The following ITGA2 variants were observed in gnomAD, a reference collection of about 807,000 sequenced individuals.
The protein encoded by ITGA2 is integrin alpha-2.
A neutral mutation model predicts 146.3 loss-of-function variants in ITGA2; 101 were observed. That is an observed-to-expected ratio of 0.69 (90% CI 0.59 to 0.81). ITGA2 has a LOEUF of 0.81. Among genes scored for constraint, ITGA2 ranks in the 40% least tolerant of loss-of-function variants. The pLI, the probability that ITGA2 is intolerant of heterozygous loss-of-function variation, is 0.00. For missense variants in ITGA2, 1,281 were observed against 1,402.7 expected (o/e 0.91, Z 1.39); for synonymous variants, 477 against 487.1 (o/e 0.98, Z 0.27).
Position 53,075,138 on chromosome 5 carries a change from G to A in ITGA2, c.2741+1G>A. 6.2e-7 allele frequency: 1 copy of A among 1,610,642 alleles called. No individual in the cohort carries two copies. The highest frequency in any genetic ancestry group is 8.5e-7 in the Non-Finnish European group (1 of 1,177,494). Reference sequence around the variant, plus strand: ...CGTCTCTCAGTTTCCAAGCCTTAAGGTAAAACATAATGAAGTCATGAATGG... The same window carrying A: ...CGTCTCTCAGTTTCCAAGCCTTAAGATAAAACATAATGAAGTCATGAATGG... On this transcript the variant is annotated splice_donor_variant, in intron 22 of 29. Transcript: ENST00000296585. LOFTEE classifies it high-confidence loss of function.
chr5:53,078,253 T>C (rs1171642169), intron 23 of ITGA2, among the ~76,000 whole-genome samples: 1 of 152,022 alleles, frequency 6.6e-6, no homozygotes. Flanking sequence ...CCCAAACCAT[T>C]CAAATTGGTT....
At chr5:53,074,253 G>A in intron 20 of ITGA2, 132 bp from the exon 21 acceptor site, 1 of 731,906 alleles carries the variant, frequency 1.4e-6, no homozygotes, top group East Asian at 2.7e-5. Flanking sequence ...AAGTCTTGAG[G>A]TATAATAAAT....
intron 21 of ITGA2, among the ~76,000 whole-genome samples, 176 bp downstream of exon 21, chr5:53,074,653 A>AT (rs1254510867): frequency 6.6e-6 from 1 of 151,962 alleles, no homozygotes; most frequent in Non-Finnish European, 1.5e-5. Flanking sequence ...TAAAAATGGG[A>AT]TTTTCTCCAT....
At chr5:53,072,569 TC>T in intron 18 of ITGA2, 43 bp from the exon 19 acceptor site, 1 of 1,481,794 alleles carries the variant, frequency 6.7e-7, no homozygotes, top group Non-Finnish European at 9.4e-7. Context: ...ATTTGCTTTT[TC>T]AACCCAAGAG....
chr5:53,056,494 A>G (rs1471935101), intron 9 of ITGA2, among the ~76,000 whole-genome samples: 1 of 152,008 alleles, frequency 6.6e-6, no homozygotes, highest in Admixed American at 6.6e-5. Context: ...AAAGAAGCTC[A>G]TACACTGTTG....
In ITGA2 at chr5:53,045,865, G is replaced by A. The variant is rs540502216; in HGVS notation, c.387+773G>A. Among the ~76,000 whole-genome samples the A allele has an allele frequency of 2.9e-3, 445 of 151,934 alleles. 5 individuals carry two copies. The highest frequency in any genetic ancestry group is 0.01 in the African/African-American group (432 of 41,480). On this transcript the variant is annotated intron_variant, in intron 4 of 29. Coordinates refer to ENST00000296585, the MANE Select transcript of ITGA2 (RefSeq NM_002203.4). Reference sequence around the variant, plus strand: ...TTTGAAATTTCCATTGACTCATATAGGTATGTGTATGTATGTATAACCCTG... The same window carrying A: ...TTTGAAATTTCCATTGACTCATATAAGTATGTGTATGTATGTATAACCCTG...
rs145736009 is a variant in ITGA2, at chr5:53,090,522, G to A, written c.3469G>A (p.Gly1157Ser). ...TCTTATATCATCACCTTTACAGCTC[G>A]GCTTCTTCAAAAGAAAATATGAAAA... ...LALVAILWKL[G>S]FFKRKYEKMT... Residue 1157 changes from glycine (G) to serine (S), a missense_variant, in exon 30 of 30, where the codon GGC (glycine) becomes AGC (serine). Gly to Ser is a moderately conservative substitution (Grantham distance 56). This residue lies in a region of ITGA2 where 475 missense variants were observed against 530.5 expected (regional missense o/e 0.90). Transcript: ENST00000296585. 87 of 1,613,616 alleles carry A rather than the reference G, an allele frequency of 5.4e-5. 1 individual carries two copies. In the African/African-American group the frequency reaches 1.1e-3, roughly 20 times the overall value.
Position 53,090,613 on chromosome 5 carries a change from C to A in ITGA2, c.*14C>A. On this transcript the variant is annotated 3_prime_UTR_variant, in exon 30 of 30. Transcript: ENST00000296585. ...CTCAGTAGCTGAACCAGCAGACCTA[C>A]CTGCAGTGGGAACCGGCAGCATCCC... 1 of 1,604,804 alleles carries A rather than the reference C, an allele frequency of 6.2e-7. No individual in the cohort carries two copies. The highest frequency in any genetic ancestry group is 1.3e-5 in the African/African-American group (1 of 74,808).
intron 2 of ITGA2, among the ~76,000 whole-genome samples, chr5:53,036,305 T>A (rs1375950128): frequency 1.3e-5 from 2 of 152,172 alleles, no homozygotes; most frequent in African/African-American, 2.4e-5. Flanking sequence ...ATATGTCAGA[T>A]CACATCATGC....
intron 26 of ITGA2, 94 bp downstream of exon 26, chr5:53,081,790 G>A (rs1194643780): frequency 1.2e-6 from 1 of 844,278 alleles, no homozygotes; most frequent in African/African-American, 1.7e-5. Context: ...ATATCATAGA[G>A]CTTTCTTATT....
At chr5:53,055,309 A>G (rs1038940333) in intron 7 of ITGA2, among the ~76,000 whole-genome samples, 1 of 152,128 alleles carries the variant, frequency 6.6e-6, no homozygotes, top group African/African-American at 2.4e-5. Flanking sequence ...ATATACACAC[A>G]TATGCCCTGA....
At chr5:53,026,560 A>G (rs940865353) in intron 1 of ITGA2, among the ~76,000 whole-genome samples, 188 bp from the exon 2 acceptor site, 1 of 152,208 alleles carries the variant, frequency 6.6e-6, no homozygotes, top group African/African-American at 2.4e-5. Flanking sequence ...ATGCATATAT[A>G]GTATTTAGCT....
chr5:52,989,609 C>A (rs1740817644), intron 1 of ITGA2, 77 bp downstream of exon 1: 16 of 1,508,434 alleles, frequency 1.1e-5, no homozygotes, highest in Non-Finnish European at 1.3e-5. Flanking sequence ...AGGGATTGGG[C>A]GGAACTAGGG....
Position 53,072,616 on chromosome 5 carries a change from C to T in ITGA2, c.2350C>T (p.Pro784Ser). ...YSETAKVFSI[P>S]FHKDCGEDGL... ...GATCTTTTTTCCTTTTTCGTAGATT[C>T]CTTTCCACAAAGACTGTGGTGAGGA... The change falls in exon 19 of 30, where the codon CCT becomes TCT. Residue 784 changes from proline to serine, a missense_variant. By Grantham distance (74) the Pro-to-Ser change is moderately conservative. Coordinates refer to ENST00000296585, the MANE Select transcript of ITGA2 (RefSeq NM_002203.4). 1 of 1,609,440 alleles carries T rather than the reference C, an allele frequency of 6.2e-7. No individual in the cohort carries two copies. The highest frequency in any genetic ancestry group is 8.5e-7 in the Non-Finnish European group (1 of 1,177,722).
At chr5:53,068,680 G>A (rs912095909) in intron 16 of ITGA2, among the ~76,000 whole-genome samples, 3 of 151,478 alleles carry the variant, frequency 2.0e-5, no homozygotes, top group Non-Finnish European at 3.0e-5. Flanking sequence ...CAAGTGAAAT[G>A]ATTGTGAGCT....
chr5:53,092,798 CA>C lies in ITGA2; in HGVS notation c.*2206del. The C allele has an allele frequency of 6.6e-6, 1 of 152,102 alleles. No individual in the cohort carries two copies. 9.4% of individuals were successfully genotyped at this position (152,102 alleles called of 1,614,324 possible). On this transcript the variant is annotated 3_prime_UTR_variant, in exon 30 of 30. Transcript: ENST00000296585. Reference sequence around the variant, plus strand: ...TAAGCAACATAGCAAGACCCTGTCTCAAAAAAATGACTATTTAAAAAGACAA... The same window carrying C: ...TAAGCAACATAGCAAGACCCTGTCTCAAAAAATGACTATTTAAAAAGACAA...
At chr5:53,037,108 C>T (rs1385834690) in intron 2 of ITGA2, among the ~76,000 whole-genome samples, 1 of 152,170 alleles carries the variant, frequency 6.6e-6, no homozygotes, top group Non-Finnish European at 1.5e-5. Context: ...GGGTTTAAAA[C>T]TGTCCTACCT....
In ITGA2 at chr5:53,078,790, TTATGAAATC is replaced by T; in HGVS notation, c.2846_2854del (p.Tyr949_Ile951del). On this transcript the variant is annotated inframe_deletion, in exon 24 of 30. Transcript: ENST00000296585. ...CCAACAGATCTACCAACATAAATTT[TTATGAAATC>T]TCTTCGGATGGGAATGTTCCTTCAA... is the stretch of plus-strand genomic sequence containing the variant. 1 of 1,608,472 alleles carries T rather than the reference TTATGAAATC, an allele frequency of 6.2e-7. No individual in the cohort carries two copies. The highest frequency in any genetic ancestry group is 8.5e-7 in the Non-Finnish European group (1 of 1,175,510).
chr5:53,041,272 C>A (rs1036368793), intron 2 of ITGA2, among the ~76,000 whole-genome samples: 2 of 152,206 alleles, frequency 1.3e-5, no homozygotes, highest in East Asian at 3.9e-4. Context: ...TGCAAGAAAA[C>A]CCATATTCTC....
Sources: gnomAD v4.1 joint callset for allele counts (sites outside exome capture counted in the v4.1 genomes callset) on GRCh38, gnomAD v4.1.1 for gene constraint, gnomAD v4.1.1 regional missense constraint, MANE v1.5 for transcripts, NCBI Gene and HGNC (gene_info 2026-07-23, HGNC 2026-07-21) for gene names.